ARHGEF6: variants seen among roughly 807,000 people sequenced by gnomAD.
ARHGEF6 encodes the protein rho guanine nucleotide exchange factor 6.
In ARHGEF6, 9 loss-of-function variants were observed where a neutral mutation model predicts 70.3. The ratio of observed to expected loss-of-function variants is 0.13; its 90% CI spans 0.08 to 0.22. The LOEUF is 0.22. Among genes scored for constraint, ARHGEF6 ranks in the 10% least tolerant of loss-of-function variants. ARHGEF6 has a pLI of 1.00. For synonymous variants in ARHGEF6, 201 were observed against 207.8 expected (o/e 0.97, Z 0.28); for missense variants, 470 against 563.0 (o/e 0.83, Z 1.67).
At chrX:136,686,590 G>A (rs868851934) in intron 11 of ARHGEF6, among the ~76,000 whole-genome samples, 4 of 58,716 alleles carry the variant, frequency 6.8e-5, no homozygotes, top group African/African-American at 4.1e-4. Flanking sequence ...GTGTGTATGT[G>A]TGTGTATATA....
intron 9 of ARHGEF6, among the ~76,000 whole-genome samples, chrX:136,703,658 G>A (rs186273745): frequency 1.8e-5 from 2 of 112,232 alleles, no homozygotes; most frequent in Admixed American, 1.9e-4. Flanking sequence ...AAGTAGCTGG[G>A]ATTACAGCCA....
intron 19 of ARHGEF6, among the ~76,000 whole-genome samples, chrX:136,673,261 C>T (rs1257043261): frequency 9.0e-6 from 1 of 111,456 alleles, no homozygotes; most frequent in Admixed American, 9.5e-5. Context: ...TCTGGGGGTC[C>T]TGGAGCCAAT....
chrX:136,684,248 T>C (rs1200292646), intron 12 of ARHGEF6, among the ~76,000 whole-genome samples: 1 of 112,319 alleles, frequency 8.9e-6, no homozygotes, highest in Non-Finnish European at 1.9e-5. Context: ...TCTACCTTCC[T>C]CTTTGTCTTT....
intron 2 of ARHGEF6, among the ~76,000 whole-genome samples, chrX:136,753,090 A>G (rs2077169581): frequency 8.9e-6 from 1 of 112,426 alleles, no homozygotes; most frequent in Admixed American, 9.4e-5. Flanking sequence ...TAATGCTCTT[A>G]GCTCAGAAAT....
chrX:136,685,814 G>C lies in ARHGEF6; in HGVS notation c.1255C>G (p.Gln419Glu). 8.3e-7 allele frequency: 1 copy of C among 1,210,639 alleles called. No homozygotes were observed. The highest frequency in any genetic ancestry group is 3.0e-5 in the East Asian group (1 of 33,829). Residue 419 changes from glutamine (Q) to glutamate (E), a missense_variant, in exon 12 of 22, where the codon CAA becomes GAA. Gln to Glu is a conservative substitution (Grantham distance 29). This residue lies in a region of ARHGEF6 where 379 missense variants were observed against 449.3 expected (regional missense o/e 0.84). Transcript: ENST00000250617. ...VAFKTLMGQCQDLRKRKQLEL... is the reference protein window; with the variant it reads ...VAFKTLMGQCEDLRKRKQLEL... ...AGCTGTTTTCTCTTCCTCAGATCTT[G>C]ACATTGCCCCTACAGAACCAAAGCA...
intron 6 of ARHGEF6, among the ~76,000 whole-genome samples, chrX:136,714,892 G>C (rs766307930): frequency 9.0e-6 from 1 of 111,727 alleles, no homozygotes; most frequent in Non-Finnish European, 1.9e-5. Context: ...GGGTAAGTGG[G>C]AAACAGACCT....
intron 2 of ARHGEF6, among the ~76,000 whole-genome samples, chrX:136,764,342 T>C (rs5974627): frequency 0.017 from 1,849 of 111,767 alleles, 39 homozygotes; most frequent in African/African-American, 0.057. Flanking sequence ...CATAGCAGCA[T>C]TGTTCACAGC....
intron 5 of ARHGEF6, among the ~76,000 whole-genome samples, chrX:136,736,126 C>G (rs985260470): frequency 1.8e-5 from 2 of 111,616 alleles, no homozygotes; most frequent in Non-Finnish European, 3.8e-5. Flanking sequence ...TGCAAAGTCC[C>G]AACAAAACCC....
At chrX:136,752,285 A>T (rs1241825804) in intron 2 of ARHGEF6, among the ~76,000 whole-genome samples, 2 of 111,759 alleles carry the variant, frequency 1.8e-5, no homozygotes, top group African/African-American at 3.3e-5. Flanking sequence ...TTCCCATTTC[A>T]AGGGTCAGCC....
chrX:136,724,895 A>T (rs1271501054), intron 6 of ARHGEF6, among the ~76,000 whole-genome samples: 2 of 112,210 alleles, frequency 1.8e-5, no homozygotes, highest in African/African-American at 6.5e-5. Context: ...GCTTGAAGGG[A>T]ATTTTTAAAT....
chrX:136,726,524 CAG>C (rs1179298813), intron 6 of ARHGEF6, among the ~76,000 whole-genome samples: 2 of 111,623 alleles, frequency 1.8e-5, no homozygotes, highest in Non-Finnish European at 3.8e-5. Context: ...TCCAGGGTGG[CAG>C]AGAGAGGTAG....
intron 6 of ARHGEF6, among the ~76,000 whole-genome samples, chrX:136,728,052 T>G (rs1457489222): frequency 1.8e-5 from 2 of 112,517 alleles, no homozygotes; most frequent in African/African-American, 6.5e-5. Context: ...CAATTCCTTT[T>G]TCTGACTTTT....
intron 2 of ARHGEF6, among the ~76,000 whole-genome samples, chrX:136,755,177 A>G: frequency 8.9e-6 from 1 of 112,042 alleles, no homozygotes; most frequent in Non-Finnish European, 1.9e-5. Context: ...CTTAAAAATG[A>G]ACTTTTGGAA....
intron 7 of ARHGEF6, among the ~76,000 whole-genome samples, chrX:136,710,584 G>C (rs999448268): frequency 1.8e-5 from 2 of 109,087 alleles, no homozygotes; most frequent in African/African-American, 6.7e-5. Flanking sequence ...ACTTAAGTTG[G>C]GGCCTTACCT....
chrX:136,747,001 C>A (rs781259456), intron 3 of ARHGEF6, among the ~76,000 whole-genome samples: 1 of 111,407 alleles, frequency 9.0e-6, no homozygotes, highest in Non-Finnish European at 1.9e-5. Flanking sequence ...ATATTTAATA[C>A]CTCTAGTGTG....
At chrX:136,702,236 G>A (rs2076583752) in intron 9 of ARHGEF6, among the ~76,000 whole-genome samples, 1 of 111,319 alleles carries the variant, frequency 9.0e-6, no homozygotes, top group Admixed American at 9.5e-5. Context: ...AAACTCTAGG[G>A]ATACTGGTAA....
intron 3 of ARHGEF6, among the ~76,000 whole-genome samples, chrX:136,745,574 G>A (rs1042003688): frequency 2.7e-5 from 3 of 111,428 alleles, no homozygotes; most frequent in Admixed American, 9.5e-5. Context: ...GAAAAACAGC[G>A]ACAGAACCAC....
intron 3 of ARHGEF6, among the ~76,000 whole-genome samples, chrX:136,746,489 T>C (rs2148662486): frequency 8.9e-6 from 1 of 112,240 alleles, no homozygotes; most frequent in East Asian, 2.8e-4. Context: ...TCTAACCTAT[T>C]TGGCACTTGA....
chrX:136,752,760 T>C lies in ARHGEF6; in HGVS notation c.250-5168A>G, dbSNP rs980298804. On this transcript the variant is annotated intron_variant, in intron 2 of 21. Transcript: ENST00000250617. ...GGACCACAAGGACATATAGCTTATA[T>C]TTCAAGCCTGTTTTTTAAAAAAGAT... 3.6e-5 allele frequency among the ~76,000 whole-genome samples: 4 copies of C among 112,580 alleles called. No individual in the cohort carries two copies. The Admixed American group carries it at 3.8e-4, about 11-fold the overall frequency.
Sources: gnomAD v4.1 joint callset for allele counts (sites outside exome capture counted in the v4.1 genomes callset) on GRCh38, gnomAD v4.1.1 for gene constraint, gnomAD v4.1.1 regional missense constraint, MANE v1.5 for transcripts, NCBI Gene and HGNC (gene_info 2026-07-23, HGNC 2026-07-21) for gene names.